Variants in ADAMTS12 observed in about 807,000 individuals in gnomAD.
ADAMTS12 encodes the protein ADAM metallopeptidase with thrombospondin type 1 motif 12, also known as A disintegrin and metalloproteinase with thrombospondin motifs 12.
A neutral mutation model predicts 167.8 loss-of-function variants in ADAMTS12; 118 were observed. The ratio of observed to expected loss-of-function variants is 0.70; its 90% confidence interval spans 0.61 to 0.82. The LOEUF (loss-of-function observed/expected upper bound fraction) is 0.82, where lower values mean the gene tolerates loss of function less well. ADAMTS12 is among the 40% of genes least tolerant of loss of function. The pLI, the probability that ADAMTS12 is intolerant of heterozygous loss-of-function variation, is 0.00. For missense variants in ADAMTS12, 1,916 were observed against 1,998.8 expected, an observed-to-expected ratio of 0.96 and a Z score of 0.79; for synonymous variants, 704 against 716.9, an observed-to-expected ratio of 0.98 and a Z score of 0.29.
chr5:33,664,621 A>C (rs1741402408), intron 5 of ADAMTS12, among the ~76,000 whole-genome samples: 1 of 152,198 alleles, frequency 6.6e-6, no homozygotes, highest in South Asian at 2.1e-4. Context: ...ATACCTGTTA[A>C]AGTGGCTACT....
chr5:33,803,670 C>A (rs1747106028), intron 2 of ADAMTS12, among the ~76,000 whole-genome samples: 1 of 152,162 alleles, frequency 6.6e-6, no homozygotes, highest in African/African-American at 2.4e-5. Flanking sequence ...AGGTTTAATT[C>A]TTCCAGTTCC....
chr5:33,862,111 T>G (rs1014424910), intron 2 of ADAMTS12, among the ~76,000 whole-genome samples: 4 of 151,844 alleles, frequency 2.6e-5, no homozygotes, highest in Admixed American at 1.3e-4. Flanking sequence ...ACATCACAAT[T>G]AAAAGAACTA....
At chr5:33,877,927 G>A (rs1291912149) in intron 2 of ADAMTS12, among the ~76,000 whole-genome samples, 2 of 152,270 alleles carry the variant, frequency 1.3e-5, no homozygotes, top group South Asian at 4.2e-4. Flanking sequence ...TGCACCCCAG[G>A]AATGACAGGC....
At chr5:33,627,345 A>G (rs1210752892) in intron 13 of ADAMTS12, among the ~76,000 whole-genome samples, 1 of 126,420 alleles carries the variant, frequency 7.9e-6, no homozygotes, top group Non-Finnish European at 1.7e-5. Context: ...AAGTGATGGT[A>G]GTGATGGTGG....
chr5:33,580,134 G>A (rs550028150), intron 18 of ADAMTS12, among the ~76,000 whole-genome samples: 1 of 152,196 alleles, frequency 6.6e-6, no homozygotes, highest in Non-Finnish European at 1.5e-5. Context: ...GTGTGAATTT[G>A]CTCAACCTAA....
At chr5:33,571,293 AT>A (rs1283509371) in intron 19 of ADAMTS12, among the ~76,000 whole-genome samples, 1 of 152,034 alleles carries the variant, frequency 6.6e-6, no homozygotes, top group Non-Finnish European at 1.5e-5. Flanking sequence ...CAGAATATAC[AT>A]TTTTTTCAGC....
At chr5:33,860,119 C>T (rs946522857) in intron 2 of ADAMTS12, among the ~76,000 whole-genome samples, 2 of 152,182 alleles carry the variant, frequency 1.3e-5, no homozygotes, top group African/African-American at 2.4e-5. Flanking sequence ...CAAAGGATCA[C>T]AACTCCTTGC....
intron 18 of ADAMTS12, among the ~76,000 whole-genome samples, chr5:33,588,077 G>A (rs1281649411): frequency 1.3e-5 from 2 of 152,216 alleles, no homozygotes; most frequent in Non-Finnish European, 2.9e-5. Context: ...TTGGGAAAAT[G>A]CAACATTTAT....
Position 33,649,688 on chromosome 5 carries a change from G to C in ADAMTS12, c.1200C>G (p.Ile400Met). 6.2e-7 allele frequency: 1 copy of C among 1,613,752 alleles called. No individual in the cohort carries two copies. Among genetic ancestry groups the C allele is most frequent in the South Asian group, 1.1e-5 (1 of 91,038 alleles). The change falls in exon 8 of 24, where the codon ATC becomes ATG. Residue 400 changes from isoleucine to methionine, a missense_variant. By Grantham distance (10) the Ile-to-Met change is conservative. Transcript: ENST00000504830. ...AGTCATTTTCTTTCCCATCATGCTG[G>C]ATGCCGAAGCTGGCAGGGAAGAACC... is the stretch of plus-strand genomic sequence containing the variant. ...IAHELGHSFG[I>M]QHDGKENDCE...
intron 21 of ADAMTS12, among the ~76,000 whole-genome samples, chr5:33,548,397 A>G (rs1279027766): frequency 6.6e-6 from 1 of 152,100 alleles, no homozygotes; most frequent in Non-Finnish European, 1.5e-5. Context: ...TCCCCTATAA[A>G]ATAGGGTTAA....
At chr5:33,655,878 A>G (rs1387160886) in intron 7 of ADAMTS12, among the ~76,000 whole-genome samples, 1 of 150,816 alleles carries the variant, frequency 6.6e-6, no homozygotes, top group African/African-American at 2.4e-5. Flanking sequence ...TCACTGTTCA[A>G]CTCCCACTTA....
At chr5:33,775,033 T>C (rs73759098) in intron 2 of ADAMTS12, among the ~76,000 whole-genome samples, 4,567 of 152,266 alleles carry the variant, frequency 0.03, 195 homozygotes, top group East Asian at 0.14. Context: ...CTCTGGGTGA[T>C]AGGGCCTGTG....
intron 2 of ADAMTS12, among the ~76,000 whole-genome samples, chr5:33,805,322 T>A (rs1326777206): frequency 6.6e-6 from 1 of 152,194 alleles, no homozygotes; most frequent in Non-Finnish European, 1.5e-5. Flanking sequence ...TTAATTAGCA[T>A]AATGAATACT....
intron 2 of ADAMTS12, among the ~76,000 whole-genome samples, chr5:33,762,462 C>G (rs1211174672): frequency 6.6e-6 from 1 of 151,696 alleles, no homozygotes; most frequent in Admixed American, 6.6e-5. Context: ...GAGCCGAGAT[C>G]GTGCTACTGC....
At chr5:33,766,229 G>T (rs1404018747) in intron 2 of ADAMTS12, among the ~76,000 whole-genome samples, 1 of 152,102 alleles carries the variant, frequency 6.6e-6, no homozygotes, top group East Asian at 1.9e-4. Flanking sequence ...CGTGATCAAG[G>T]TTAGCATCAA....
intron 19 of ADAMTS12, among the ~76,000 whole-genome samples, chr5:33,574,275 C>T (rs1189095177): frequency 6.6e-6 from 1 of 152,008 alleles, no homozygotes; most frequent in Non-Finnish European, 1.5e-5. Flanking sequence ...ATAAATCATG[C>T]TGCTATAAAG....
At chr5:33,570,997 G>C (rs567088029) in intron 19 of ADAMTS12, among the ~76,000 whole-genome samples, 117 of 151,796 alleles carry the variant, frequency 7.7e-4, no homozygotes, top group African/African-American at 2.5e-3. Flanking sequence ...AAGAGACAAA[G>C]AAGGCCATTA....
chr5:33,699,966 G>A (rs1742943128), intron 3 of ADAMTS12, among the ~76,000 whole-genome samples: 1 of 152,086 alleles, frequency 6.6e-6, no homozygotes, highest in Admixed American at 6.6e-5. Context: ...TTAGCTATCA[G>A]GGAAATGCAA....
chr5:33,789,876 T>C (rs952657700), intron 2 of ADAMTS12, among the ~76,000 whole-genome samples: 2 of 152,190 alleles, frequency 1.3e-5, no homozygotes, highest in African/African-American at 2.4e-5. Flanking sequence ...CTGCCTCTCA[T>C]GGATTTACTT....
Sources: allele counts gnomAD v4.1 joint callset (sites outside exome capture counted in the v4.1 genomes callset), GRCh38; gene constraint gnomAD v4.1.1; transcripts MANE v1.5; gene names NCBI Gene and HGNC (gene_info 2026-07-23, HGNC 2026-07-21).